The following ARHGEF10 variants were observed in gnomAD, a reference collection of about 807,000 sequenced individuals.
ARHGEF10 encodes Rho guanine nucleotide exchange factor (GEF) 10.
In ARHGEF10, 140 loss-of-function variants were observed where a neutral mutation model predicts 147.4. The ratio of observed to expected loss-of-function variants is 0.95; its 90% CI spans 0.83 to 1.09. ARHGEF10 has a LOEUF of 1.09. Among genes scored for constraint, ARHGEF10 ranks in the 50% least tolerant of loss-of-function variants. ARHGEF10 has a pLI of 0.00. For synonymous variants in ARHGEF10, 902 were observed against 695.8 expected, an observed-to-expected ratio of 1.30 and a Z score of -4.67; for missense variants, 2,222 against 1,752.7, an observed-to-expected ratio of 1.27 and a Z score of -4.78.
chr8:1,953,882 G>A (rs1163064334), intron 28 of ARHGEF10, among the ~76,000 whole-genome samples: 2 of 152,170 alleles, frequency 1.3e-5, no homozygotes, highest in African/African-American at 4.8e-5. Context: ...AGCTTGTAGA[G>A]CAGAACTGTT....
chr8:1,889,129 ACT>A (rs199876557), intron 11 of ARHGEF10, among the ~76,000 whole-genome samples: 3 of 93,162 alleles, frequency 3.2e-5, no homozygotes, highest in African/African-American at 8.9e-5. Context: ...GTGAGGAGAC[ACT>A]GTGAGTGGGG....
rs1802573965 is a variant in ARHGEF10, at chr8:1,823,998, A to ACGCGGGGGACGCGGGGGACGGCGGGGAAC, written c.-152_-151insCGGGGGACGGCGGGGAACCGCGGGGGACG. 2 of 92,138 alleles carry ACGCGGGGGACGCGGGGGACGGCGGGGAAC rather than the reference A, an allele frequency of 2.2e-5. No individual in the cohort carries two copies. The highest frequency in any genetic ancestry group is 9.7e-5 in the African/African-American group (2 of 20,700). The allele number at this position is 92,138 out of a possible 1,614,324, so 5.7% of individuals were successfully genotyped here. A position where few individuals can be genotyped will look rare whatever the true frequency, so the allele number is the denominator to read the frequency against. On this transcript the variant is annotated 5_prime_UTR_variant, in exon 1 of 29. Coordinates refer to ENST00000349830, the MANE Select transcript of ARHGEF10 (RefSeq NM_014629.4). The stretch of plus-strand genomic sequence containing the variant: ...GACGGGGTCGCGGGGGACGCGGGGG[A>ACGCGGGGGACGCGGGGGACGGCGGGGAAC]CGCGGGGGACGGCGGGGAACGGCGG...
chr8:1,919,920 A>G lies in ARHGEF10; in HGVS notation c.2144-3044A>G, dbSNP rs530707848. Among the ~76,000 whole-genome samples, 92 of 135,284 alleles carry G rather than the reference A, an allele frequency of 6.8e-4. 8 individuals are homozygous for G. Among genetic ancestry groups the G allele is most frequent in the Non-Finnish European group, 1.1e-3 (70 of 64,820 alleles). 88.8% of individuals were successfully genotyped at this position (135,284 alleles called of 152,430 possible). On this transcript the variant is annotated intron_variant, in intron 18 of 28. Transcript: ENST00000349830. ...CAGTGATGGAGCTGTTCTGTGGATGATGGAGCTGTTCTATGGGTGATGGAG... is the reference window on the plus strand; with the variant it reads ...CAGTGATGGAGCTGTTCTGTGGATGGTGGAGCTGTTCTATGGGTGATGGAG...
intron 7 of ARHGEF10, chr8:1,869,768 A>G (rs547904535): frequency 4.8e-6 from 1 of 209,020 alleles, no homozygotes; most frequent in African/African-American, 2.3e-5. Flanking sequence ...CCCGAGAGCA[A>G]CTGGAGAGAA....
intron 1 of ARHGEF10, among the ~76,000 whole-genome samples, chr8:1,840,401 G>A (rs892130254): frequency 1.5e-5 from 2 of 131,842 alleles, no homozygotes; most frequent in Admixed American, 7.9e-5. Context: ...AAGCTGTCTG[G>A]TGTGGGGACT....
At chr8:1,884,506 A>G (rs1247333602) in intron 10 of ARHGEF10, among the ~76,000 whole-genome samples, 2 of 152,170 alleles carry the variant, frequency 1.3e-5, no homozygotes, top group Non-Finnish European at 2.9e-5. Flanking sequence ...GTACCTAAGA[A>G]TTAACTAGAA....
chr8:1,853,608 C>G (rs993520131), intron 2 of ARHGEF10, among the ~76,000 whole-genome samples: 1 of 152,242 alleles, frequency 6.6e-6, no homozygotes, highest in African/African-American at 2.4e-5. Flanking sequence ...TGGGAACCGA[C>G]CCAGCCCAGC....
chr8:1,831,084 T>C (rs34788592), intron 1 of ARHGEF10, among the ~76,000 whole-genome samples: 67,908 of 152,126 alleles, frequency 0.45, 15,474 homozygotes, highest in Middle Eastern at 0.55. Flanking sequence ...TTGGAGGCTC[T>C]GTGTGTCAGA....
At chr8:1,904,070 C>T (rs1045645276) in intron 16 of ARHGEF10, 3 of 152,564 alleles carry the variant, frequency 2.0e-5, no homozygotes, top group African/African-American at 7.3e-5. Context: ...GCACTCTAGC[C>T]TGGGTGATGG....
chr8:1,944,300 A>T (rs76491266), intron 26 of ARHGEF10, among the ~76,000 whole-genome samples: 1 of 151,382 alleles, frequency 6.6e-6, no homozygotes, highest in Admixed American at 6.6e-5. Flanking sequence ...CTGAGGACAC[A>T]GTCCTCTCCT....
intron 7 of ARHGEF10, among the ~76,000 whole-genome samples, chr8:1,874,850 G>T (rs1450210621): frequency 8.2e-6 from 1 of 122,008 alleles, no homozygotes; most frequent in African/African-American, 3.2e-5. Context: ...CGTGTAGGGG[G>T]TAGAGGTTCT....
Position 1,937,330 on chromosome 8 carries a change from C to T in ARHGEF10, c.3222+3388C>T, listed in dbSNP as rs1813696898. Among the ~76,000 whole-genome samples the T allele has an allele frequency of 6.6e-6, 1 of 152,130 alleles. No individual in the cohort carries two copies. The highest frequency in any genetic ancestry group is 1.5e-5 in the Non-Finnish European group (1 of 68,040). On this transcript the variant is annotated intron_variant, in intron 26 of 28. Coordinates refer to ENST00000349830, the MANE Select transcript of ARHGEF10 (RefSeq NM_014629.4). The surrounding 1 kb of genome is among the most constrained non-coding windows in gnomAD (Gnocchi z 4.9). Reference sequence around the variant, plus strand: ...TTGAGTTTTTCACAGCCCTTGTACCCCATCAGTACAGCCATCCTAGTAATT... The same window carrying T: ...TTGAGTTTTTCACAGCCCTTGTACCTCATCAGTACAGCCATCCTAGTAATT...
chr8:1,851,501 G>T (rs942091482), intron 2 of ARHGEF10, among the ~76,000 whole-genome samples: 1 of 152,098 alleles, frequency 6.6e-6, no homozygotes, highest in Non-Finnish European at 1.5e-5. Flanking sequence ...GCAAAGGATG[G>T]GGGATAGTGT....
At chr8:1,895,767 G>T (rs1315889546) in intron 13 of ARHGEF10, among the ~76,000 whole-genome samples, 1 of 152,224 alleles carries the variant, frequency 6.6e-6, no homozygotes, top group African/African-American at 2.4e-5. Context: ...ATAACATGGA[G>T]TGATTTTTCT....
chr8:1,899,251 G>A (rs745741022), intron 15 of ARHGEF10, among the ~76,000 whole-genome samples: 2 of 152,206 alleles, frequency 1.3e-5, no homozygotes, highest in Non-Finnish European at 2.9e-5. Context: ...TGTAGGCTGC[G>A]GGGCTCAGCA....
chr8:1,862,627 C>G (rs528666689), intron 4 of ARHGEF10, among the ~76,000 whole-genome samples: 1 of 152,232 alleles, frequency 6.6e-6, no homozygotes, highest in Non-Finnish European at 1.5e-5. Context: ...GGATGGGAGT[C>G]TGTGCTCCTG....
intron 25 of ARHGEF10, among the ~76,000 whole-genome samples, chr8:1,933,144 A>G (rs1054508005): frequency 2.6e-5 from 4 of 152,226 alleles, no homozygotes; most frequent in Admixed American, 6.5e-5. Flanking sequence ...CTAGGCTTCA[A>G]GAAAGGGAAC....
chr8:1,824,012 G>GGGGAATGGCGGGGGACGGCT lies in ARHGEF10; in HGVS notation c.-144_-143insTGGCGGGGGACGGCTGGGAA, dbSNP rs1802578702. On this transcript the variant is annotated 5_prime_UTR_variant, in exon 1 of 29. The change creates a new upstream start codon in the 5' untranslated region. Coordinates refer to ENST00000349830, the MANE Select transcript of ARHGEF10 (RefSeq NM_014629.4). ...GGACGCGGGGGACGCGGGGGACGGC[G>GGGGAATGGCGGGGGACGGCT]GGGAACGGCGGGGGACGGCGGGGAA... The GGGGAATGGCGGGGGACGGCT allele has an allele frequency of 8.3e-6, 1 of 121,070 alleles. No individual in the cohort carries two copies. The highest frequency in any genetic ancestry group is 1.8e-5 in the Non-Finnish European group (1 of 55,716). 7.5% of individuals were successfully genotyped at this position (121,070 alleles called of 1,614,324 possible). A position where few individuals can be genotyped will look rare whatever the true frequency, so the allele number is the denominator to read the frequency against.
chr8:1,944,641 C>A (rs1029006439), intron 26 of ARHGEF10, among the ~76,000 whole-genome samples: 1 of 152,212 alleles, frequency 6.6e-6, no homozygotes, highest in Non-Finnish European at 1.5e-5. Context: ...TTATGAGTTT[C>A]ATCACTTTAC....
Sources: allele counts gnomAD v4.1 joint callset (sites outside exome capture counted in the v4.1 genomes callset), GRCh38; gene constraint gnomAD v4.1.1; non-coding constraint Gnocchi (gnomAD v3.1); transcripts MANE v1.5; gene names NCBI Gene and HGNC (gene_info 2026-07-23, HGNC 2026-07-21).